The following ZNF679 variants were observed in gnomAD, a reference collection of about 807,000 sequenced individuals.
The protein encoded by ZNF679 is hypothetical protein MGC42415.
Under a neutral mutation model 13.4 loss-of-function variants are expected in ZNF679, and 10 were observed. The ratio of observed to expected loss-of-function variants is 0.75; its 90% CI spans 0.46 to 1.27. The LOEUF (loss-of-function observed/expected upper bound fraction) is 1.27. Ranked by LOEUF, ZNF679 falls within the 50% of genes most tolerant of loss-of-function variation. The pLI is 0.00. For missense variants in ZNF679, 525 were observed against 477.8 expected, an observed-to-expected ratio of 1.10 and a Z score of -0.92; for synonymous variants, 179 against 162.5, an observed-to-expected ratio of 1.10 and a Z score of -0.77.
chr7:64,259,011 A>C (rs1009460067), intron 2 of ZNF679, among the ~76,000 whole-genome samples: 2 of 152,086 alleles, frequency 1.3e-5, no homozygotes, highest in Non-Finnish European at 2.9e-5. Flanking sequence ...TTGTGGGTTC[A>C]AGCGATTCTC....
At chr7:64,258,723 G>C (rs1422198638) in intron 2 of ZNF679, among the ~76,000 whole-genome samples, 1 of 150,368 alleles carries the variant, frequency 6.7e-6, no homozygotes, top group East Asian at 2.0e-4. Flanking sequence ...AAAATGCAGT[G>C]TCCACTCTGC....
intron 1 of ZNF679, among the ~76,000 whole-genome samples, chr7:64,242,117 G>A (rs77232357): frequency 0.032 from 4,939 of 152,278 alleles, 174 homozygotes; most frequent in East Asian, 0.17. Flanking sequence ...TCACAGGGGT[G>A]CTGAATCTTG....
At chr7:64,250,005 C>A (rs1787924055) in intron 2 of ZNF679, among the ~76,000 whole-genome samples, 1 of 152,026 alleles carries the variant, frequency 6.6e-6, no homozygotes, top group South Asian at 2.1e-4. Context: ...CCGTGCCTGG[C>A]TAATTTTTGT....
chr7:64,243,081 C>T (rs1199771271), intron 1 of ZNF679, among the ~76,000 whole-genome samples: 2 of 152,138 alleles, frequency 1.3e-5, no homozygotes, highest in Non-Finnish European at 2.9e-5. Flanking sequence ...CTGTGCTGGA[C>T]CCTGATATGA....
In ZNF679 at chr7:64,266,331, T is replaced by C. The variant is rs1337722122; in HGVS notation, c.698T>C (p.Ile233Thr). 2 of 1,613,268 alleles carry C rather than the reference T, an allele frequency of 1.2e-6. No homozygotes were observed. The highest frequency in any genetic ancestry group is 3.3e-5 in the Admixed American group (2 of 59,844). Residue 233 changes from isoleucine (I) to threonine (T), a missense_variant, in exon 5 of 5, where the codon ATT (isoleucine) becomes ACT (threonine). Transcript: ENST00000421025. ...CSSTLSKHKR[I>T]HTGEKPYRCE... ...TCAACCCTTTCTAAACATAAAAGAA[T>C]TCATACTGGAGAGAAACCCTACAGA...
intron 1 of ZNF679, among the ~76,000 whole-genome samples, chr7:64,236,929 G>GAAAGAA (rs1562840195): frequency 3.3e-5 from 1 of 29,910 alleles, no homozygotes; most frequent in Non-Finnish European, 6.0e-5. Flanking sequence ...AAAGAAGAAA[G>GAAAGAA]AAAGAAAGAA....
chr7:64,240,539 G>A (rs934134999), intron 1 of ZNF679, among the ~76,000 whole-genome samples: 8 of 152,176 alleles, frequency 5.3e-5, no homozygotes, highest in Non-Finnish European at 1.0e-4. Context: ...CCAGAACAAA[G>A]GTGACATTGT....
At chr7:64,239,369 T>C (rs1222566552) in intron 1 of ZNF679, among the ~76,000 whole-genome samples, 1 of 152,160 alleles carries the variant, frequency 6.6e-6, no homozygotes. Context: ...GACCTAAGTC[T>C]CAGGAGTTGT....
chr7:64,257,446 TGA>T (rs1239445523), intron 2 of ZNF679, among the ~76,000 whole-genome samples: 1 of 151,980 alleles, frequency 6.6e-6, no homozygotes, highest in Non-Finnish European at 1.5e-5. Flanking sequence ...TAAAAATTAA[TGA>T]TAGAGAAACA....
chr7:64,230,178 GA>G (rs1787617249), intron 1 of ZNF679, among the ~76,000 whole-genome samples: 1 of 152,208 alleles, frequency 6.6e-6, no homozygotes, highest in South Asian at 2.1e-4. Context: ...CACTCAGGCA[GA>G]AAAAGATGGT....
intron 1 of ZNF679, among the ~76,000 whole-genome samples, chr7:64,237,227 C>T (rs1787739366): frequency 6.6e-6 from 1 of 152,174 alleles, no homozygotes; most frequent in Non-Finnish European, 1.5e-5. Flanking sequence ...CATGAGTCCT[C>T]TGGGCACTTA....
At chr7:64,239,276 C>T (rs959652808) in intron 1 of ZNF679, among the ~76,000 whole-genome samples, 1 of 152,152 alleles carries the variant, frequency 6.6e-6, no homozygotes, top group Non-Finnish European at 1.5e-5. Context: ...TGTGACACCC[C>T]TACTGGGACA....
chr7:64,232,274 T>G (rs1227993823), intron 1 of ZNF679, among the ~76,000 whole-genome samples: 3 of 152,208 alleles, frequency 2.0e-5, no homozygotes, highest in Non-Finnish European at 2.9e-5. Flanking sequence ...GGAGTCACAA[T>G]TTCACATGTG....
At chr7:64,244,793 G>T (rs970345032) in intron 1 of ZNF679, among the ~76,000 whole-genome samples, 10 of 152,146 alleles carry the variant, frequency 6.6e-5, no homozygotes, top group Non-Finnish European at 1.3e-4. Flanking sequence ...TCTCCATTGG[G>T]GTCTCCCAGA....
intron 2 of ZNF679, among the ~76,000 whole-genome samples, chr7:64,256,209 G>A (rs952555801): frequency 6.6e-6 from 1 of 152,024 alleles, no homozygotes; most frequent in Non-Finnish European, 1.5e-5. Flanking sequence ...TAAAAATGAC[G>A]GTCTCCTGCT....
chr7:64,228,971 G>A (rs961935483), intron 1 of ZNF679, among the ~76,000 whole-genome samples: 2 of 152,062 alleles, frequency 1.3e-5, no homozygotes, highest in East Asian at 1.9e-4. Flanking sequence ...TTTTGGCTCT[G>A]TTATGACACT....
At chr7:64,254,455 C>A (rs1787977630) in intron 2 of ZNF679, among the ~76,000 whole-genome samples, 1 of 150,372 alleles carries the variant, frequency 6.7e-6, no homozygotes, top group South Asian at 2.1e-4. Flanking sequence ...CCAAGATTAT[C>A]CAAATGCCCC....
At chr7:64,231,755 G>A (rs1787642816) in intron 1 of ZNF679, among the ~76,000 whole-genome samples, 1 of 152,228 alleles carries the variant, frequency 6.6e-6, no homozygotes, top group African/African-American at 2.4e-5. Context: ...CCAGGCAGGA[G>A]CATCACATCA....
chr7:64,266,089 A>G lies in ZNF679; in HGVS notation c.456A>G (p.Gln152=), dbSNP rs770164297. The G allele has an allele frequency of 6.2e-7, 1 of 1,613,066 alleles. No homozygotes were observed. The highest frequency in any genetic ancestry group is 8.5e-7 in the Non-Finnish European group (1 of 1,179,464). ...TTAACCAATGTTTGTCAACTACCCA[A>G]AACAAAATATTTCAGACTCATAAAT... ...NEVNQCLSTT[Q]NKIFQTHKCV... Residue 152 remains glutamine, a synonymous_variant, in exon 5 of 5, where the codon CAA becomes CAG. Coordinates refer to ENST00000421025, the MANE Select transcript of ZNF679 (RefSeq NM_153363.3).
Sources: gnomAD v4.1 joint callset for allele counts (sites outside exome capture counted in the v4.1 genomes callset) on GRCh38, gnomAD v4.1.1 for gene constraint, MANE v1.5 for transcripts, NCBI Gene and HGNC (gene_info 2026-07-23, HGNC 2026-07-21) for gene names.